Variants in NKAIN2 observed in about 807,000 individuals in gnomAD.
The protein encoded by NKAIN2 is sodium/potassium transporting ATPase interacting 2.
A neutral mutation model predicts 32.6 loss-of-function variants in NKAIN2; 14 were observed. That is an observed-to-expected ratio of 0.43 (90% confidence interval 0.28 to 0.67). The LOEUF (loss-of-function observed/expected upper bound fraction) is 0.67. Ranked by LOEUF, NKAIN2 falls within the 30% of genes least tolerant of loss-of-function variation. The pLI is 0.17. For missense variants in NKAIN2, 198 were observed against 258.3 expected, an observed-to-expected ratio of 0.77 and a Z score of 1.60; for synonymous variants, 80 against 87.2, an observed-to-expected ratio of 0.92 and a Z score of 0.46.
chr6:124,593,589 G>A (rs553473089), intron 3 of NKAIN2, among the ~76,000 whole-genome samples: 1 of 152,206 alleles, frequency 6.6e-6, no homozygotes, highest in Non-Finnish European at 1.5e-5. Flanking sequence ...AATAGGAAGA[G>A]ATCAGTTCAT....
intron 4 of NKAIN2, among the ~76,000 whole-genome samples, chr6:124,701,675 G>T (rs1222708091): frequency 6.6e-6 from 1 of 151,966 alleles, no homozygotes; most frequent in Non-Finnish European, 1.5e-5. Context: ...CTAATCAACA[G>T]GAGCGTACAT....
intron 1 of NKAIN2, among the ~76,000 whole-genome samples, chr6:124,237,279 A>G (rs1792823190): frequency 6.6e-6 from 1 of 152,152 alleles, no homozygotes; most frequent in African/African-American, 2.4e-5. Flanking sequence ...CCACAGAACA[A>G]TTGAGGAAGG....
chr6:123,841,241 T>C (rs1180773373), intron 1 of NKAIN2, among the ~76,000 whole-genome samples: 1 of 152,204 alleles, frequency 6.6e-6, no homozygotes, highest in Non-Finnish European at 1.5e-5. Context: ...AGCTCTCTCA[T>C]TGGAACCAAT....
chr6:124,414,045 C>G (rs951711215), intron 3 of NKAIN2, among the ~76,000 whole-genome samples: 8 of 151,230 alleles, frequency 5.3e-5, no homozygotes, highest in African/African-American at 1.9e-4. Flanking sequence ...TTACATTGCA[C>G]TAATTAGAAC....
intron 1 of NKAIN2, among the ~76,000 whole-genome samples, chr6:123,849,994 G>A (rs73565108): frequency 0.011 from 1,500 of 133,412 alleles, 20 homozygotes; most frequent in African/African-American, 0.029. Context: ...TTTCTGTGGA[G>A]ATGAGGTCTC....
intron 1 of NKAIN2, among the ~76,000 whole-genome samples, chr6:124,119,959 A>G (rs1420282028): frequency 1.3e-5 from 2 of 151,736 alleles, no homozygotes; most frequent in African/African-American, 2.4e-5. Flanking sequence ...TTTTTCTATT[A>G]TGTTGTTCTT....
chr6:124,413,274 T>G (rs1194534201), intron 3 of NKAIN2, among the ~76,000 whole-genome samples: 1 of 152,132 alleles, frequency 6.6e-6, no homozygotes, highest in African/African-American at 2.4e-5. Context: ...CTCTTTTTGT[T>G]TAAGAATTGA....
intron 1 of NKAIN2, among the ~76,000 whole-genome samples, chr6:124,231,036 C>G (rs1235605731): frequency 6.6e-6 from 1 of 152,076 alleles, no homozygotes; most frequent in African/African-American, 2.4e-5. Flanking sequence ...GAGAGGGAGG[C>G]TATACCCTGC....
At chr6:124,319,947 G>C (rs887060835) in intron 2 of NKAIN2, among the ~76,000 whole-genome samples, 1 of 152,086 alleles carries the variant, frequency 6.6e-6, no homozygotes, top group African/African-American at 2.4e-5. Flanking sequence ...TTAAGCCACA[G>C]TTTTAAAAAT....
At chr6:124,564,487 C>G (rs1023680615) in intron 3 of NKAIN2, among the ~76,000 whole-genome samples, 1 of 36,106 alleles carries the variant, frequency 2.8e-5, no homozygotes, top group Non-Finnish European at 1.7e-4. Flanking sequence ...GCTGGCCAAC[C>G]CCCCCCTCCC....
chr6:123,877,296 C>T (rs914436183), intron 1 of NKAIN2, among the ~76,000 whole-genome samples: 1 of 151,964 alleles, frequency 6.6e-6, no homozygotes, highest in Non-Finnish European at 1.5e-5. Context: ...TTTCTTTGAC[C>T]TGTTATTATG....
intron 1 of NKAIN2, among the ~76,000 whole-genome samples, chr6:123,925,623 G>A (rs1775972708): frequency 6.6e-6 from 1 of 152,190 alleles, no homozygotes; most frequent in Non-Finnish European, 1.5e-5. Flanking sequence ...ACAAACTAGT[G>A]TATGTTGCTT....
At chr6:123,804,802 C>T (rs1277285104) in intron 1 of NKAIN2, among the ~76,000 whole-genome samples, 1 of 152,124 alleles carries the variant, frequency 6.6e-6, no homozygotes, top group African/African-American at 2.4e-5. Flanking sequence ...GTTTTAGCCA[C>T]ATTGAGTTTT....
chr6:123,938,943 C>T (rs2114546965), intron 1 of NKAIN2, among the ~76,000 whole-genome samples: 1 of 151,926 alleles, frequency 6.6e-6, no homozygotes, highest in Non-Finnish European at 1.5e-5. Flanking sequence ...CCCTATCTCT[C>T]AGGAAATAAA....
intron 2 of NKAIN2, among the ~76,000 whole-genome samples, chr6:124,350,137 G>A (rs1413660850): frequency 6.6e-6 from 1 of 152,120 alleles, no homozygotes; most frequent in Non-Finnish European, 1.5e-5. Context: ...ATTATATTAG[G>A]TCATCTCTCC....
intron 1 of NKAIN2, among the ~76,000 whole-genome samples, chr6:124,230,598 C>T (rs1049539734): frequency 1.3e-5 from 2 of 152,146 alleles, no homozygotes; most frequent in Non-Finnish European, 2.9e-5. Flanking sequence ...TGTTTGCAGT[C>T]TAGGGACTTG....
intron 3 of NKAIN2, among the ~76,000 whole-genome samples, chr6:124,360,489 A>G (rs1021052649): frequency 6.6e-6 from 1 of 152,144 alleles, no homozygotes; most frequent in African/African-American, 2.4e-5. Context: ...TTTTCTTTGT[A>G]CACATAGAGG....
At chr6:123,928,673 G>A (rs958927447) in intron 1 of NKAIN2, among the ~76,000 whole-genome samples, 6 of 152,116 alleles carry the variant, frequency 3.9e-5, no homozygotes, top group Non-Finnish European at 8.8e-5. Context: ...TAGTAGAAGA[G>A]TGAATTGTTT....
At chr6:124,381,845 G>C (rs145324198) in intron 3 of NKAIN2, among the ~76,000 whole-genome samples, 10 of 152,248 alleles carry the variant, frequency 6.6e-5, no homozygotes, top group African/African-American at 2.4e-4. Context: ...ATGAGTATTT[G>C]TGTATAATGC....
Sources: gnomAD v4.1 joint callset for allele counts (sites outside exome capture counted in the v4.1 genomes callset) on GRCh38, gnomAD v4.1.1 for gene constraint, MANE v1.5 for transcripts, NCBI Gene and HGNC (gene_info 2026-07-23, HGNC 2026-07-21) for gene names.